Variants in RORA observed in about 807,000 individuals in gnomAD.
The protein encoded by RORA is nuclear receptor ROR-alpha.
RORA carries 7 observed loss-of-function variants against 69.5 expected under a neutral mutation model. The observed-to-expected ratio is 0.10, with a 90% CI of 0.06 to 0.19. The LOEUF is 0.19. Among genes scored for constraint, RORA ranks in the 10% least tolerant of loss-of-function variants. The pLI, the probability that RORA is intolerant of heterozygous loss-of-function variation, is 1.00. For synonymous variants in RORA, 261 were observed against 240.8 expected (o/e 1.08, Z -0.78); for missense variants, 457 against 663.0 (o/e 0.69, Z 3.41).
chr15:61,093,965 C>T (rs1036474123), intron 1 of RORA, among the ~76,000 whole-genome samples: 7 of 152,158 alleles, frequency 4.6e-5, no homozygotes, highest in Admixed American at 1.3e-4. Flanking sequence ...TCTCTGCTTC[C>T]GTCGCCAAGT....
At chr15:60,670,452 C>T (rs572161787) in intron 2 of RORA, among the ~76,000 whole-genome samples, 35 of 152,116 alleles carry the variant, frequency 2.3e-4, no homozygotes, top group South Asian at 1.5e-3. Context: ...TTCAGTGATC[C>T]GCCCGTCTCG....
At chr15:61,081,138 AC>A (rs2078533256) in intron 1 of RORA, among the ~76,000 whole-genome samples, 1 of 152,080 alleles carries the variant, frequency 6.6e-6, no homozygotes, top group Admixed American at 6.6e-5. Context: ...CACATCTGTT[AC>A]CTCCTGCACC....
intron 1 of RORA, among the ~76,000 whole-genome samples, chr15:60,768,336 G>A (rs138823159): frequency 4.6e-5 from 7 of 152,306 alleles, no homozygotes; most frequent in African/African-American, 1.2e-4. Context: ...CTGTGGGATC[G>A]TGATGGGGCT....
At chr15:60,990,943 T>C (rs1005965044) in intron 1 of RORA, among the ~76,000 whole-genome samples, 1 of 152,228 alleles carries the variant, frequency 6.6e-6, no homozygotes, top group Non-Finnish European at 1.5e-5. Flanking sequence ...ATGTTCTTCA[T>C]GTCACCAAAT....
chr15:60,560,517 G>C (rs2067502569), intron 2 of RORA, among the ~76,000 whole-genome samples: 4 of 152,116 alleles, frequency 2.6e-5, no homozygotes, highest in Non-Finnish European at 5.9e-5. Flanking sequence ...AATATAGTGA[G>C]ACCCTGCCTC....
chr15:60,508,609 C>T (rs1304588639), intron 5 of RORA, among the ~76,000 whole-genome samples: 1 of 152,184 alleles, frequency 6.6e-6, no homozygotes, highest in Non-Finnish European at 1.5e-5. Flanking sequence ...GAAGTGACTT[C>T]TTCAAGGTGT....
At chr15:61,199,282 A>G (rs1596066779) in intron 1 of RORA, among the ~76,000 whole-genome samples, 1 of 152,216 alleles carries the variant, frequency 6.6e-6, no homozygotes, top group African/African-American at 2.4e-5. Flanking sequence ...TGAGAAAAAA[A>G]TAAAGCTTCT....
intron 1 of RORA, among the ~76,000 whole-genome samples, chr15:60,977,708 T>C (rs1893917455): frequency 6.6e-6 from 1 of 152,206 alleles, no homozygotes; most frequent in Non-Finnish European, 1.5e-5. Flanking sequence ...GGAAGCACAC[T>C]GTATGTGTCA....
At chr15:60,787,427 G>C (rs189507820) in intron 1 of RORA, among the ~76,000 whole-genome samples, 12 of 152,372 alleles carry the variant, frequency 7.9e-5, no homozygotes, top group Non-Finnish European at 1.2e-4. Flanking sequence ...GGTCAAGGTG[G>C]AGGGATGGCC....
rs991248109 is a variant in RORA, at chr15:60,496,642, C to G, written c.*813G>C. The G allele has an allele frequency of 6.6e-6, 1 of 152,104 alleles. No homozygotes were observed. Among genetic ancestry groups the G allele is most frequent in the African/African-American group, 2.4e-5 (1 of 41,428 alleles). 9.4% of individuals were successfully genotyped at this position (152,104 alleles called of 1,614,324 possible). A position where few individuals can be genotyped will look rare whatever the true frequency, so the allele number is the denominator to read the frequency against. ...CCAACGTGGTGATTTCTAGATATGA[C>G]CAGCCAGTCTCTTAAAAATAATTTT... On this transcript the variant is annotated 3_prime_UTR_variant, in exon 11 of 11. Transcript: ENST00000335670. The surrounding 1 kb of genome is among the most constrained non-coding windows in gnomAD (Gnocchi z 4.5).
chr15:60,513,882 G>A (rs1183374535), intron 4 of RORA, among the ~76,000 whole-genome samples: 2 of 152,212 alleles, frequency 1.3e-5, no homozygotes, highest in African/African-American at 4.8e-5. Context: ...TCTTAAGAGA[G>A]CCAGCTGGTA....
At chr15:61,144,378 C>T (rs1202401188) in intron 1 of RORA, among the ~76,000 whole-genome samples, 2 of 152,174 alleles carry the variant, frequency 1.3e-5, no homozygotes, top group African/African-American at 2.4e-5. Flanking sequence ...AGGAAAGGGG[C>T]GTGACTTGGC....
chr15:60,654,715 G>A (rs867179187), intron 2 of RORA, among the ~76,000 whole-genome samples: 20 of 152,284 alleles, frequency 1.3e-4, no homozygotes, highest in African/African-American at 4.1e-4. Context: ...TAGACAAGAG[G>A]GTGAAACACA....
Position 60,511,572 on chromosome 15 carries a change from T to G in RORA, c.474A>C (p.Ala158=). Residue 158 remains alanine, a synonymous_variant, in exon 5 of 11, where the codon GCA becomes GCC. Transcript: ENST00000335670. The surrounding 1 kb of genome is among the most constrained non-coding windows in gnomAD (Gnocchi z 6.4). ...MSKKQRDSLY[A]EVQKHRMQQQ... is the part of the protein sequence containing the mutation. ...GCTGCATCCGGTGTTTCTGTACTTC[T>G]GCATACAAGCTGTCTCTCTGCTTTT... The G allele has an allele frequency of 1.2e-6, 2 of 1,613,490 alleles. No individual in the cohort carries two copies. Among genetic ancestry groups the G allele is most frequent in the Non-Finnish European group, 8.5e-7 (1 of 1,179,710 alleles).
intron 1 of RORA, among the ~76,000 whole-genome samples, chr15:60,860,593 A>G (rs977491570): frequency 2.0e-5 from 3 of 152,240 alleles, no homozygotes; most frequent in East Asian, 3.8e-4. Context: ...TCATGGCCCA[A>G]TGAGATATAG....
intron 1 of RORA, among the ~76,000 whole-genome samples, chr15:60,963,021 A>G (rs998855771): frequency 1.3e-5 from 2 of 152,170 alleles, no homozygotes; most frequent in African/African-American, 4.8e-5. Flanking sequence ...GTATCTAATC[A>G]CCTCTATGTT....
At chr15:60,737,955 A>G (rs112332648) in intron 1 of RORA, among the ~76,000 whole-genome samples, 2,153 of 152,382 alleles carry the variant, frequency 0.014, 60 homozygotes, top group African/African-American at 0.05. Context: ...GATAACAGTT[A>G]CAAGTGCAAG....
intron 1 of RORA, among the ~76,000 whole-genome samples, chr15:60,916,495 T>A (rs973399714): frequency 3.3e-5 from 5 of 152,204 alleles, no homozygotes; most frequent in African/African-American, 1.2e-4. Flanking sequence ...GATGAGGAAG[T>A]CAGTCCCTAG....
intron 1 of RORA, among the ~76,000 whole-genome samples, chr15:60,872,632 T>C (rs1320580522): frequency 6.6e-6 from 1 of 152,172 alleles, no homozygotes; most frequent in East Asian, 1.9e-4. Flanking sequence ...CATACACAAG[T>C]AGAGGAATCT....
Sources: allele counts gnomAD v4.1 joint callset (sites outside exome capture counted in the v4.1 genomes callset), GRCh38; gene constraint gnomAD v4.1.1; non-coding constraint Gnocchi (gnomAD v3.1); transcripts MANE v1.5; gene names NCBI Gene and HGNC (gene_info 2026-07-23, HGNC 2026-07-21).